Variants in FLCN observed in about 807,000 individuals in gnomAD.
The protein encoded by FLCN is folliculin.
FLCN carries 22 observed loss-of-function variants against 62.5 expected under a neutral mutation model. The ratio of observed to expected loss-of-function variants is 0.35; its 90% CI spans 0.25 to 0.50. The LOEUF is 0.50. Among genes scored for constraint, FLCN ranks in the 20% least tolerant of loss-of-function variants. FLCN has a pLI of 0.97. For missense variants in FLCN, 657 were observed against 778.0 expected, an observed-to-expected ratio of 0.84 and a Z score of 1.85; for synonymous variants, 319 against 310.0, an observed-to-expected ratio of 1.03 and a Z score of -0.30.
chr17:17,217,137 T>A lies in FLCN; in HGVS notation c.1108A>T (p.Met370Leu). ...CTTTTCCAGATCACCTGGTTCCCCA[T>A]GAGAACGTGCCAGGCCAGCATGCGG... The part of the protein sequence containing the change: ...SFRMLAWHVL[M>L]GNQVIWKSRD... Residue 370 changes from methionine to leucine, a missense_variant, in exon 10 of 14, where the codon ATG (methionine) becomes TTG (leucine). Physicochemically the swap from Met to Leu is conservative, Grantham distance 15. Transcript: ENST00000285071. 2 of 1,614,014 alleles carry A rather than the reference T, an allele frequency of 1.2e-6. No individual in the cohort carries two copies. Among genetic ancestry groups the A allele is most frequent in the African/African-American group, 1.3e-5 (1 of 75,048 alleles).
chr17:17,217,185 A>C lies in FLCN; in HGVS notation c.1063-3T>G. 1 of 1,604,636 alleles carries C rather than the reference A, an allele frequency of 6.2e-7. No homozygotes were observed. The highest frequency in any genetic ancestry group is 8.5e-7 in the Non-Finnish European group (1 of 1,171,514). On this transcript the variant is annotated splice_region_variant and splice_polypyrimidine_tract_variant and intron_variant, in intron 9 of 13. Coordinates refer to ENST00000285071, the MANE Select transcript of FLCN (RefSeq NM_144997.7). ...CGGAAAGAAGGGGCACCCAGGACCT[A>C]AACAAGAGAGTGCAGTGCTTTCAGC... is the stretch of plus-strand genomic sequence containing the variant.
intron 13 of FLCN, among the ~76,000 whole-genome samples, chr17:17,214,479 A>C (rs2046848394): frequency 6.6e-6 from 1 of 152,136 alleles, no homozygotes; most frequent in Admixed American, 6.6e-5. Context: ...CTGTAATCCC[A>C]GCTACTCCAG....
rs146818320 is a variant in FLCN at position 17,232,519 on chromosome 17, A to G, written c.-114+269T>C. On this transcript the variant is annotated intron_variant, in intron 2 of 13. Coordinates refer to ENST00000285071, the MANE Select transcript of FLCN (RefSeq NM_144997.7). ...CCAGAGTCTAGTGGCACAGGAACCA[A>G]ACAGACAGTTTCAATAAAGGGCCCA... Among the ~76,000 whole-genome samples, 373 of 152,314 alleles carry G rather than the reference A, an allele frequency of 2.4e-3. 2 individuals carry two copies. Among genetic ancestry groups the G allele is most frequent in the Middle Eastern group, 0.024 (7 of 294 alleles).
At chr17:17,233,159 G>C (rs941715268) in intron 1 of FLCN, among the ~76,000 whole-genome samples, 1 of 152,094 alleles carries the variant, frequency 6.6e-6, no homozygotes, top group Non-Finnish European at 1.5e-5. Flanking sequence ...TTTTTTTAGA[G>C]ATAGGGTCTT....
chr17:17,228,184 C>T, intron 3 of FLCN, 23 bp from the exon 4 acceptor site: 1 of 1,600,972 alleles, frequency 6.2e-7, no homozygotes, highest in South Asian at 1.1e-5. Flanking sequence ...GGGGACATGT[C>T]AGCTTGCCAA....
At position 17,213,702 on chromosome 17, in the gene FLCN, G is replaced by GGT; in HGVS notation, c.1691_1692dup (p.Leu565ThrfsTer24). 6.2e-7 allele frequency: 1 copy of GGT among 1,614,174 alleles called. No individual in the cohort carries two copies. Among genetic ancestry groups the GGT allele is most frequent in the Non-Finnish European group, 8.5e-7 (1 of 1,180,040 alleles). ...GTGGGGCTGCGGACCGTGGACATGA[G>GGT]GTGTGACTTGTAGGTCTTGCTCAGG... On this transcript the variant is annotated frameshift_variant, in exon 14 of 14. Coordinates refer to ENST00000285071, the MANE Select transcript of FLCN (RefSeq NM_144997.7). LOFTEE classifies it high-confidence loss of function.
intron 3 of FLCN, among the ~76,000 whole-genome samples, chr17:17,230,236 C>T (rs987607424): frequency 2.6e-5 from 4 of 152,128 alleles, no homozygotes; most frequent in African/African-American, 9.7e-5. Context: ...CTAGGAGAGG[C>T]CGGCACAGTG....
At chr17:17,227,776 CCT>C in intron 4 of FLCN, 111 bp downstream of exon 4, 1 of 1,459,774 alleles carries the variant, frequency 6.9e-7, no homozygotes, top group Non-Finnish European at 9.6e-7. Flanking sequence ...CTGAAGGGCC[CCT>C]GAGAAGCAGT....
chr17:17,223,811 C>G (rs907097555), intron 6 of FLCN, 111 bp downstream of exon 6: 1 of 1,074,344 alleles, frequency 9.3e-7, no homozygotes, highest in African/African-American at 1.6e-5. Flanking sequence ...AGTGCACTGG[C>G]TGTAAGCAGA....
chr17:17,217,558 G>A (rs1333682685), intron 9 of FLCN: 2 of 355,658 alleles, frequency 5.6e-6, no homozygotes, highest in Non-Finnish European at 1.1e-5. Context: ...AGGAGAATAA[G>A]GGCATCTCCA....
Position 17,213,698 on chromosome 17 carries a change from A to G in FLCN, c.1697T>C (p.Met566Thr), listed in dbSNP as rs756302545. Reference protein sequence around the residue: ...GLSKTYKSHLMSTVRSPTASE... With the variant: ...GLSKTYKSHLTSTVRSPTASE... ...GGCTGTGGGGCTGCGGACCGTGGACATGAGGTGTGACTTGTAGGTCTTGCT... is the reference window on the plus strand; with the variant it reads ...GGCTGTGGGGCTGCGGACCGTGGACGTGAGGTGTGACTTGTAGGTCTTGCT... The change falls in exon 14 of 14, where the codon ATG becomes ACG. Residue 566 changes from methionine to threonine, a missense_variant. Coordinates refer to ENST00000285071, the MANE Select transcript of FLCN (RefSeq NM_144997.7). 6.2e-7 allele frequency: 1 copy of G among 1,614,186 alleles called. No homozygotes were observed. The highest frequency in any genetic ancestry group is 1.7e-5 in the Admixed American group (1 of 60,016).
rs948518342 is a variant in FLCN, at chr17:17,213,598, G to A, written c.*57C>T. The A allele has an allele frequency of 4.9e-5, 78 of 1,607,608 alleles. No homozygotes were observed. The highest frequency in any genetic ancestry group is 6.4e-5 in the Non-Finnish European group (75 of 1,174,444). On this transcript the variant is annotated 3_prime_UTR_variant, in exon 14 of 14. Transcript: ENST00000285071. Reference sequence around the variant, plus strand: ...AACTCAAGGGACAGTCCCTCTCACGGGGCTGGAGGATCCTGTGGACAGCCA... The same window carrying A: ...AACTCAAGGGACAGTCCCTCTCACGAGGCTGGAGGATCCTGTGGACAGCCA...
intron 6 of FLCN, among the ~76,000 whole-genome samples, chr17:17,223,392 C>G (rs554852354): frequency 6.6e-6 from 1 of 151,650 alleles, no homozygotes; most frequent in African/African-American, 2.4e-5. Flanking sequence ...TGCGCCCAGC[C>G]TAGGGGAAGC....
chr17:17,219,565 C>CTTTTT (rs33981693), intron 8 of FLCN: 6 of 126,370 alleles, frequency 4.7e-5, no homozygotes, highest in South Asian at 1.2e-4. Context: ...TTTTTTTCCA[C>CTTTTT]TTTTTTTTTT....
rs2145045780 is a variant in FLCN at position 17,228,007 on chromosome 17, T to C, written c.131A>G (p.Gln44Arg). 6.2e-7 allele frequency: 1 copy of C among 1,614,038 alleles called. No homozygotes were observed. The highest frequency in any genetic ancestry group is 8.5e-7 in the Non-Finnish European group (1 of 1,180,052). ...AATGCCACCTTCCTCTTCTTCCGCC[T>C]GCTCACCCTGGCCAGGACTGTCCTC... Reference protein sequence around the residue: ...GNEDSPGQGEQAEEEEGGIQM... With the variant: ...GNEDSPGQGERAEEEEGGIQM... The change falls in exon 4 of 14, where the codon CAG becomes CGG. Residue 44 changes from glutamine to arginine, a missense_variant. By Grantham distance (43) the Gln-to-Arg change is conservative (BLOSUM62 1). Coordinates refer to ENST00000285071, the MANE Select transcript of FLCN (RefSeq NM_144997.7).
chr17:17,214,929 C>G (rs2144830021), intron 13 of FLCN, 56 bp downstream of exon 13: 1 of 1,573,912 alleles, frequency 6.4e-7, no homozygotes, highest in Admixed American at 1.7e-5. Flanking sequence ...TTGGAAACAG[C>G]TCCAGGTTTT....
At chr17:17,235,751 T>C (rs922413460) in intron 1 of FLCN, 2 of 152,246 alleles carry the variant, frequency 1.3e-5, no homozygotes, top group Non-Finnish European at 2.9e-5. Flanking sequence ...CACTGTTCAA[T>C]TCCAATCTCT....
intron 9 of FLCN, among the ~76,000 whole-genome samples, chr17:17,218,174 CCT>C (rs1279528347): frequency 2.0e-5 from 3 of 152,186 alleles, no homozygotes; most frequent in African/African-American, 7.2e-5. Flanking sequence ...AACCCACACC[CCT>C]CTCTCCCGGC....
chr17:17,225,926 A>C (rs2047232244), intron 5 of FLCN: 1 of 636,428 alleles, frequency 1.6e-6, no homozygotes, highest in Non-Finnish European at 2.9e-6. Flanking sequence ...AAGGACAAAT[A>C]ATAAAAGTTC....
Sources: gnomAD v4.1 joint callset for allele counts (sites outside exome capture counted in the v4.1 genomes callset) on GRCh38, gnomAD v4.1.1 for gene constraint, MANE v1.5 for transcripts, NCBI Gene and HGNC (gene_info 2026-07-23, HGNC 2026-07-21) for gene names.